ICA1: variants seen among roughly 807,000 people sequenced by gnomAD.
The protein encoded by ICA1 is 69 kDa islet cell autoantigen.
Under a neutral mutation model 71.0 loss-of-function variants are expected in ICA1, and 40 were observed. The ratio of observed to expected loss-of-function variants is 0.56; its 90% CI spans 0.44 to 0.73. The LOEUF is 0.73. Ranked by LOEUF, ICA1 falls within the 30% of genes least tolerant of loss-of-function variation. The probability of loss-of-function intolerance (pLI) is 0.00; values close to 1 mark genes in which losing one functional copy is unlikely to be tolerated. For missense variants in ICA1, 578 were observed against 576.5 expected (o/e 1.00, Z -0.03); for synonymous variants, 207 against 209.5 (o/e 0.99, Z 0.10).
At chr7:8,146,858 ACACACACACACACACACACACACG>A (rs1461975515) in intron 8 of ICA1, among the ~76,000 whole-genome samples, 14 of 56,738 alleles carry the variant, frequency 2.5e-4, no homozygotes, top group Admixed American at 1.7e-3. Context: ...TTATTCATGT[ACACACACACACACACACACACACG>A]CACACACACA....
chr7:8,216,093 T>G (rs1016362749), intron 6 of ICA1, among the ~76,000 whole-genome samples: 1 of 152,204 alleles, frequency 6.6e-6, no homozygotes, highest in Non-Finnish European at 1.5e-5. Flanking sequence ...CAAAACCACA[T>G]AAGTCAATTT....
At position 8,128,094 on chromosome 7, in the gene ICA1, T is replaced by C. The variant is rs570981190; in HGVS notation, c.1109A>G (p.Lys370Arg). The change falls in exon 13 of 14, where the codon AAA becomes AGA. Residue 370 changes from lysine to arginine, a missense_variant. Lys to Arg is a conservative substitution (Grantham distance 26, BLOSUM62 2). Coordinates refer to ENST00000402384, the MANE Select transcript of ICA1 (RefSeq NM_001136020.3). ...AGTPEPEGAD[K>R]DDLLLLSEIF... is the part of the protein sequence containing the mutation. Reference sequence around the variant, plus strand: ...CTCACTCAACAGCAGCAGGTCATCTTTGTCAGCACCTTCAGGTTCCGGGGT... The same window carrying C: ...CTCACTCAACAGCAGCAGGTCATCTCTGTCAGCACCTTCAGGTTCCGGGGT... 1.2e-6 allele frequency: 2 copies of C among 1,614,190 alleles called. No individual in the cohort carries two copies. Among genetic ancestry groups the C allele is most frequent in the East Asian group, 2.2e-5 (1 of 44,876 alleles).
intron 8 of ICA1, among the ~76,000 whole-genome samples, chr7:8,152,655 A>ATCACCTCTT: frequency 7.0e-6 from 1 of 142,520 alleles, no homozygotes; most frequent in South Asian, 2.4e-4. Context: ...CACCACCACC[A>ATCACCTCTT]CCACCACCAC....
At chr7:8,192,292 G>A (rs1327663285) in intron 6 of ICA1, among the ~76,000 whole-genome samples, 1 of 152,052 alleles carries the variant, frequency 6.6e-6, no homozygotes, top group Non-Finnish European at 1.5e-5. Flanking sequence ...GAAGTTCCTG[G>A]GTCTGTCTTT....
chr7:8,166,763 A>G (rs1806141871), intron 6 of ICA1, among the ~76,000 whole-genome samples: 1 of 152,216 alleles, frequency 6.6e-6, no homozygotes. Context: ...TCTAATATCC[A>G]GAATCTATAA....
In ICA1 at chr7:8,144,096, T is replaced by A. The variant is rs909136448; in HGVS notation, c.805-124A>T. On this transcript the variant is annotated intron_variant, in intron 8 of 13. Coordinates refer to ENST00000402384, the MANE Select transcript of ICA1 (RefSeq NM_001136020.3). The surrounding 1 kb of genome is among the most constrained non-coding windows in gnomAD (Gnocchi z 4.5). ...GCCATTTGTCCCAGCAACCAAACTTTGAATTACAGGTATTGGGAGGTGACC... is the reference window on the plus strand; with the variant it reads ...GCCATTTGTCCCAGCAACCAAACTTAGAATTACAGGTATTGGGAGGTGACC... 1.6e-6 allele frequency: 1 copy of A among 631,030 alleles called. No homozygotes were observed. Among genetic ancestry groups the A allele is most frequent in the African/African-American group, 1.8e-5 (1 of 54,304 alleles). The allele number at this position is 631,030 out of a possible 1,614,324, so 39.1% of individuals were successfully genotyped here.
At chr7:8,152,713 C>CCTCTTCCACCACTACCACCAT (rs1270854699) in intron 8 of ICA1, among the ~76,000 whole-genome samples, 2 of 114,618 alleles carry the variant, frequency 1.7e-5, no homozygotes, top group African/African-American at 6.4e-5. Context: ...ACCACCATCA[C>CCTCTTCCACCACTACCACCAT]CTCCTCCACC....
intron 8 of ICA1, among the ~76,000 whole-genome samples, chr7:8,150,341 G>A (rs1798385372): frequency 6.6e-6 from 1 of 152,176 alleles, no homozygotes; most frequent in African/African-American, 2.4e-5. Context: ...CTCAAAACTT[G>A]CTTTCTTATC....
intron 1 of ICA1, among the ~76,000 whole-genome samples, chr7:8,247,270 A>G (rs757606450): frequency 3.3e-5 from 5 of 152,202 alleles, no homozygotes; most frequent in Non-Finnish European, 2.9e-5. Context: ...TTGTGAACAC[A>G]GTGAACTCTG....
rs1421697421 is a variant in ICA1 at position 8,130,373 on chromosome 7, G to C, written c.1061-2231C>G. Among the ~76,000 whole-genome samples, 22 of 152,232 alleles carry C rather than the reference G, an allele frequency of 1.4e-4. No individual in the cohort carries two copies. The highest frequency in any genetic ancestry group is 1.4e-3 in the Admixed American group (22 of 15,280). ...AAGGCAGGAGCTGAAGGAAAGGAAA[G>C]CAACCTTCGCAGCTCAGGATGTGTC... On this transcript the variant is annotated intron_variant, in intron 12 of 13. Transcript: ENST00000402384. The surrounding 1 kb of genome is among the most constrained non-coding windows in gnomAD (Gnocchi z 4.2).
At position 8,222,153 on chromosome 7, in the gene ICA1, T is replaced by C. The variant is rs1397453516; in HGVS notation, c.257-755A>G. ...CTGTTAGGAGAACTTCCTAAGGAAG[T>C]AGCAAAATGGGCACAAAGATGTAAA... On this transcript the variant is annotated intron_variant, in intron 4 of 13. Coordinates refer to ENST00000402384, the MANE Select transcript of ICA1 (RefSeq NM_001136020.3). This position sits in a 1 kb window ranked among gnomAD's most constrained non-coding sequence, Gnocchi z 4.8. 1.3e-5 allele frequency among the ~76,000 whole-genome samples: 2 copies of C among 152,166 alleles called. No homozygotes were observed. Among genetic ancestry groups the C allele is most frequent in the Admixed American group, 6.5e-5 (1 of 15,268 alleles).
chr7:8,208,066 C>A (rs1274970201), intron 6 of ICA1, among the ~76,000 whole-genome samples: 1 of 152,158 alleles, frequency 6.6e-6, no homozygotes, highest in African/African-American at 2.4e-5. Context: ...ATTCAAAATT[C>A]TTTAATATTC....
intron 12 of ICA1, 71 bp from the exon 13 acceptor site, chr7:8,128,213 G>A (rs937561714): frequency 1.0e-5 from 15 of 1,502,822 alleles, no homozygotes; most frequent in Non-Finnish European, 1.4e-5. Flanking sequence ...TGCTGTGGGG[G>A]CTGCGAAGGG....
rs540892866 is a variant in ICA1 at position 8,123,092 on chromosome 7, C to T, written c.1330+4781G>A. ...TCTCATCACTGCATGACAGAGGAACCCCCACACCTTACCATGCTGATAACT... is the reference window on the plus strand; with the variant it reads ...TCTCATCACTGCATGACAGAGGAACTCCCACACCTTACCATGCTGATAACT... On this transcript the variant is annotated intron_variant, in intron 13 of 13. Coordinates refer to ENST00000402384, the MANE Select transcript of ICA1 (RefSeq NM_001136020.3). The surrounding 1 kb of genome is among the most constrained non-coding windows in gnomAD (Gnocchi z 4.1). Among the ~76,000 whole-genome samples, 8 of 152,302 alleles carry T rather than the reference C, an allele frequency of 5.3e-5. No homozygotes were observed. In the South Asian group the frequency reaches 1.4e-3, roughly 28 times the overall value.
intron 1 of ICA1, among the ~76,000 whole-genome samples, chr7:8,250,253 T>A (rs1049040126): frequency 1.3e-5 from 2 of 152,188 alleles, no homozygotes; most frequent in African/African-American, 4.8e-5. Context: ...GAGAAGTGTA[T>A]TTGAGTATAA....
chr7:8,208,620 G>A (rs942535721), intron 6 of ICA1, among the ~76,000 whole-genome samples: 12 of 152,170 alleles, frequency 7.9e-5, no homozygotes, highest in Non-Finnish European at 1.5e-4. Context: ...AAGTAATCTA[G>A]AAGGATGTGT....
At chr7:8,159,203 C>A (rs973126735) in intron 6 of ICA1, among the ~76,000 whole-genome samples, 1 of 152,130 alleles carries the variant, frequency 6.6e-6, no homozygotes, top group Admixed American at 6.6e-5. Flanking sequence ...AAGATCCCGT[C>A]GGAGGGAATT....
chr7:8,143,914 T>A lies in ICA1; in HGVS notation c.863A>T (p.Gln288Leu). ...VEKEEKKKINQQESTDAAVQE... is the reference protein window; with the variant it reads ...VEKEEKKKINLQESTDAAVQE... ...CACGGCTGCATCTGTACTTTCCTGCTGGTTGATTTTCTTCTTCTCTTCTTT... is the reference window on the plus strand; with the variant it reads ...CACGGCTGCATCTGTACTTTCCTGCAGGTTGATTTTCTTCTTCTCTTCTTT... Residue 288 changes from glutamine (Q) to leucine (L), a missense_variant, in exon 9 of 14, where the codon CAG (glutamine) becomes CTG (leucine). Transcript: ENST00000402384. The A allele has an allele frequency of 6.2e-7, 1 of 1,613,346 alleles. No homozygotes were observed. The highest frequency in any genetic ancestry group is 8.5e-7 in the Non-Finnish European group (1 of 1,179,346).
At chr7:8,220,098 A>G (rs1420086171) in intron 5 of ICA1, among the ~76,000 whole-genome samples, 1 of 152,172 alleles carries the variant, frequency 6.6e-6, no homozygotes, top group Non-Finnish European at 1.5e-5. Context: ...TTTTTCTAGA[A>G]TGAATATGTA....
Sources: allele counts gnomAD v4.1 joint callset (sites outside exome capture counted in the v4.1 genomes callset), GRCh38; gene constraint gnomAD v4.1.1; non-coding constraint Gnocchi (gnomAD v3.1); transcripts MANE v1.5; gene names NCBI Gene and HGNC (gene_info 2026-07-23, HGNC 2026-07-21).